DGKQ: variants seen among roughly 807,000 people sequenced by gnomAD.
DGKQ encodes DAG kinase theta.
In DGKQ, 97 loss-of-function variants were observed where a neutral mutation model predicts 104.2. The ratio of observed to expected loss-of-function variants is 0.93; its 90% CI spans 0.79 to 1.10. The LOEUF (loss-of-function observed/expected upper bound fraction) is 1.10. DGKQ is among the 50% of genes least tolerant of loss of function. The pLI, the probability that DGKQ is intolerant of heterozygous loss-of-function variation, is 0.00. For missense variants in DGKQ, 1,465 were observed against 1,352.1 expected (o/e 1.08, Z -1.31); for synonymous variants, 736 against 595.2 (o/e 1.24, Z -3.44).
In DGKQ at chr4:960,512, G is replaced by A. The variant is rs563670132; in HGVS notation, c.*108C>T. On this transcript the variant is annotated 3_prime_UTR_variant, in exon 23 of 23. Transcript: ENST00000273814. ...TGTGGTCAGGGCTGTAGCCAGGTCC[G>A]ACCACAGGGCCGGCCACTGTGTGGA... 44 of 1,025,722 alleles carry A rather than the reference G, an allele frequency of 4.3e-5. No individual in the cohort carries two copies. The highest frequency in any genetic ancestry group is 7.5e-5 in the Admixed American group (4 of 53,314). The allele number at this position is 1,025,722 out of a possible 1,614,324, so 63.5% of individuals were successfully genotyped here. A position where few individuals can be genotyped will look rare whatever the true frequency, so the allele number is the denominator to read the frequency against.
chr4:969,560 G>A (rs1712757974), intron 2 of DGKQ, among the ~76,000 whole-genome samples: 1 of 151,950 alleles, frequency 6.6e-6, no homozygotes, highest in Non-Finnish European at 1.5e-5. Context: ...CAGAATAGCA[G>A]CTGTGAGCAT....
Position 971,542 on chromosome 4 carries a change from C to G in DGKQ, c.272-470G>C, listed in dbSNP as rs1367661367. The stretch of plus-strand genomic sequence containing the variant: ...TGTGCACCGTGCCTGAGACCGAGAG[C>G]CACCCAAGGCAGGTGAGGGCTCTGG... On this transcript the variant is annotated intron_variant, in intron 1 of 22. Coordinates refer to ENST00000273814, the MANE Select transcript of DGKQ (RefSeq NM_001347.4). This position sits in a 1 kb window ranked among gnomAD's most constrained non-coding sequence, Gnocchi z 4.0. Among the ~76,000 whole-genome samples the G allele has an allele frequency of 2.6e-5, 4 of 152,206 alleles. No homozygotes were observed. Among genetic ancestry groups the G allele is most frequent in the Non-Finnish European group, 5.9e-5 (4 of 68,026 alleles).
In DGKQ at chr4:960,660, C is replaced by A. The variant is rs190782037; in HGVS notation, c.2789G>T (p.Arg930Leu). 2 of 1,612,312 alleles carry A rather than the reference C, an allele frequency of 1.2e-6. No homozygotes were observed. Among genetic ancestry groups the A allele is most frequent in the Admixed American group, 3.3e-5 (2 of 60,020 alleles). ...CTCAGGGGCAGGCGCAGCATCCGCC[C>A]GGGCATCCCTGGTGGTCCCGGCCCT... ...PRRAGTTRDA[R>L]ADAAPAPESD... The change falls in exon 23 of 23, where the codon CGG (arginine) becomes CTG (leucine). Residue 930 changes from arginine (R) to leucine (L), a missense_variant. Transcript: ENST00000273814.
In DGKQ at chr4:964,331, G is replaced by A. The variant is rs555674871; in HGVS notation, c.1734+845C>T. On this transcript the variant is annotated intron_variant, in intron 15 of 22. Coordinates refer to ENST00000273814, the MANE Select transcript of DGKQ (RefSeq NM_001347.4). ...TCTGCTTCGCCTGGACTGGGGTCAC[G>A]ATCAAGGGTCAAGGTTCAGGGGTAG... 5.9e-5 allele frequency among the ~76,000 whole-genome samples: 9 copies of A among 152,342 alleles called. No individual in the cohort carries two copies. The South Asian group carries it at 6.2e-4, about 11-fold the overall frequency.
intron 1 of DGKQ, among the ~76,000 whole-genome samples, chr4:972,831 G>A (rs1335423574): frequency 6.6e-6 from 1 of 152,142 alleles, no homozygotes; most frequent in Admixed American, 6.5e-5. Context: ...TGGGACTCTG[G>A]GCCACAGCAT....
At chr4:963,501 C>T (rs1268854535) in intron 15 of DGKQ, among the ~76,000 whole-genome samples, 2 of 152,212 alleles carry the variant, frequency 1.3e-5, no homozygotes, top group African/African-American at 4.8e-5. Context: ...CAGGGCGGCA[C>T]TGAGGACAGC....
Position 966,275 on chromosome 4 carries a change from C to G in DGKQ, c.1428+191G>C, listed in dbSNP as rs527285111. 3 of 827,888 alleles carry G rather than the reference C, an allele frequency of 3.6e-6. No homozygotes were observed. The African/African-American group carries it at 5.1e-5, about 14-fold the overall frequency. The allele number at this position is 827,888 out of a possible 1,614,324, so 51.3% of individuals were successfully genotyped here. A position where few individuals can be genotyped will look rare whatever the true frequency, so the allele number is the denominator to read the frequency against. ...CCCTGTCCGTTCCCCTCGAGGACCTCGGGGAGATCTGCAGCTCGAGGCCTC... is the reference window on the plus strand; with the variant it reads ...CCCTGTCCGTTCCCCTCGAGGACCTGGGGGAGATCTGCAGCTCGAGGCCTC... On this transcript the variant is annotated intron_variant, in intron 12 of 22. Transcript: ENST00000273814.
At chr4:961,392 G>A in intron 21 of DGKQ, 75 bp downstream of exon 21, 1 of 1,467,660 alleles carries the variant, frequency 6.8e-7, no homozygotes. Context: ...CCTGGGGCGG[G>A]AGAGGCCAGC....
At position 966,812 on chromosome 4, in the gene DGKQ, T is replaced by C; in HGVS notation, c.1312-10A>G. On this transcript the variant is annotated splice_polypyrimidine_tract_variant and intron_variant, in intron 10 of 22. Coordinates refer to ENST00000273814, the MANE Select transcript of DGKQ (RefSeq NM_001347.4). ...TCTCGGGACTCTCGGCCTGTTGGGG[T>C]AGAGCTTGGCATCGGGTCTGGGCAG... 1 of 1,607,714 alleles carries C rather than the reference T, an allele frequency of 6.2e-7. No homozygotes were observed. The highest frequency in any genetic ancestry group is 1.3e-5 in the African/African-American group (1 of 74,824).
Position 962,927 on chromosome 4 carries a change from G to A in DGKQ, c.1887-7C>T. The A allele has an allele frequency of 2.5e-6, 4 of 1,605,102 alleles. No individual in the cohort carries two copies. The highest frequency in any genetic ancestry group is 3.4e-6 in the Non-Finnish European group (4 of 1,176,696). Reference sequence around the variant, plus strand: ...CTGGGAGAACAGGTGGAGCCTAGCGGGAGACAGGAAGTGTCCTCTACCAGC... The same window carrying A: ...CTGGGAGAACAGGTGGAGCCTAGCGAGAGACAGGAAGTGTCCTCTACCAGC... On this transcript the variant is annotated splice_region_variant and splice_polypyrimidine_tract_variant and intron_variant, in intron 16 of 22. Coordinates refer to ENST00000273814, the MANE Select transcript of DGKQ (RefSeq NM_001347.4).
At position 965,216 on chromosome 4, in the gene DGKQ, C is replaced by T. The variant is rs557366063; in HGVS notation, c.1694G>A (p.Arg565Gln). Residue 565 changes from arginine to glutamine, a missense_variant, in exon 15 of 23, where the codon CGG (arginine) becomes CAG (glutamine). Coordinates refer to ENST00000273814, the MANE Select transcript of DGKQ (RefSeq NM_001347.4). ...LYMLLKDMAV[R>Q]GRLLTALVLP... is the part of the protein sequence containing the mutation. ...CACCAGGGCAGTGAGCAGCCGGCCCCGCACAGCCATGTCCTTCAGCAGCAT... is the reference window on the plus strand; with the variant it reads ...CACCAGGGCAGTGAGCAGCCGGCCCTGCACAGCCATGTCCTTCAGCAGCAT... 29 of 1,612,682 alleles carry T rather than the reference C, an allele frequency of 1.8e-5. 1 individual carries two copies. The highest frequency in any genetic ancestry group is 1.7e-4 in the Middle Eastern group (1 of 6,060).
intron 14 of DGKQ, 50 bp from the exon 15 acceptor site, chr4:965,341 G>C: frequency 6.3e-7 from 1 of 1,585,784 alleles, no homozygotes; most frequent in Non-Finnish European, 8.6e-7. Context: ...TGGCCCCCAC[G>C]GTGCCAGGGC....
chr4:960,750 G>A, intron 22 of DGKQ, 29 bp from the exon 23 acceptor site: 1 of 1,606,680 alleles, frequency 6.2e-7, no homozygotes, highest in Non-Finnish European at 8.5e-7. Flanking sequence ...CAGAGGACCA[G>A]GGTGACATGG....
chr4:961,271 G>A (rs913578362), intron 21 of DGKQ, 70 bp from the exon 22 acceptor site: 83 of 1,350,742 alleles, frequency 6.1e-5, no homozygotes, highest in South Asian at 2.8e-4. Flanking sequence ...GCCCTGGGGC[G>A]GGAGAGGCCA....
rs769901045 is a variant in DGKQ at position 967,653 on chromosome 4, G to A, written c.887-4C>T. ...AAGATCTTCAGCGTTTGCTTCCCTGGGCCGGGTAAGCTCCGTGAGTCCCGG... is the reference window on the plus strand; with the variant it reads ...AAGATCTTCAGCGTTTGCTTCCCTGAGCCGGGTAAGCTCCGTGAGTCCCGG... On this transcript the variant is annotated splice_polypyrimidine_tract_variant and splice_region_variant and intron_variant, in intron 7 of 22. Transcript: ENST00000273814. 6.2e-7 allele frequency: 1 copy of A among 1,612,528 alleles called. No individual in the cohort carries two copies. The highest frequency in any genetic ancestry group is 1.1e-5 in the South Asian group (1 of 91,072).
At chr4:961,618 G>A in intron 20 of DGKQ, 40 bp from the exon 21 acceptor site, 2 of 1,610,122 alleles carry the variant, frequency 1.2e-6, no homozygotes, top group Non-Finnish European at 1.7e-6. Context: ...GTAGGTGCAG[G>A]CAGGACGAGG....
rs373256439 is a variant in DGKQ, at chr4:968,360, C to T, written c.585G>A (p.Ala195=). ...ACGTCTTCCTGCAGACCTCGCAGCGCGCTCCCGAGGGCAGGTTCCCCTCCC... is the reference window on the plus strand; with the variant it reads ...ACGTCTTCCTGCAGACCTCGCAGCGTGCTCCCGAGGGCAGGTTCCCCTCCC... ...HWREGNLPSG[A]RCEVCRKTCG... Residue 195 remains alanine, a synonymous_variant, in exon 5 of 23, where the codon GCG becomes GCA. Transcript: ENST00000273814. The T allele has an allele frequency of 5.8e-6, 9 of 1,552,146 alleles. No individual in the cohort carries two copies. Among genetic ancestry groups the T allele is most frequent in the South Asian group, 1.2e-5 (1 of 84,582 alleles).
At position 966,013 on chromosome 4, in the gene DGKQ, G is replaced by A. The variant is rs1223323027; in HGVS notation, c.1494C>T (p.His498=). ...GCAGGCCGCCAACAAACAGGGAGAC[G>A]TGCGGGGCTACATCCCTGCTCTCTG... ...YVAESRDVAP[H]VSLFVGGLPP... Residue 498 remains histidine (H), a synonymous_variant, in exon 13 of 23, where the codon CAC becomes CAT. Transcript: ENST00000273814. 5 of 1,605,252 alleles carry A rather than the reference G, an allele frequency of 3.1e-6. No individual in the cohort carries two copies. Among genetic ancestry groups the A allele is most frequent in the Admixed American group, 1.7e-5 (1 of 58,880 alleles).
At chr4:962,340 C>T (rs1711944867) in intron 18 of DGKQ, 95 bp downstream of exon 18, 1 of 1,294,640 alleles carries the variant, frequency 7.7e-7, no homozygotes, top group African/African-American at 1.5e-5. Flanking sequence ...GCGCGTACAC[C>T]CGAGTGTGGC....
Sources: allele counts gnomAD v4.1 joint callset (sites outside exome capture counted in the v4.1 genomes callset), GRCh38; gene constraint gnomAD v4.1.1; non-coding constraint Gnocchi (gnomAD v3.1); transcripts MANE v1.5; gene names NCBI Gene and HGNC (gene_info 2026-07-23, HGNC 2026-07-21).